Variants in ACTL6A observed in about 807,000 individuals in gnomAD.
The protein encoded by ACTL6A is actin-like protein 6A.
ACTL6A carries 5 observed loss-of-function variants against 59.2 expected under a neutral mutation model. The observed-to-expected ratio is 0.08, with a 90% CI of 0.04 to 0.18. ACTL6A has a LOEUF of 0.18. Among genes scored for constraint, ACTL6A ranks in the 10% least tolerant of loss-of-function variants. The pLI, the probability that ACTL6A is intolerant of heterozygous loss-of-function variation, is 1.00. For missense variants in ACTL6A, 285 were observed against 526.9 expected (o/e 0.54, Z 4.49); for synonymous variants, 154 against 171.8 (o/e 0.90, Z 0.81).
chr3:179,565,423 C>CAT (rs10575925), intron 1 of ACTL6A, among the ~76,000 whole-genome samples: 4 of 149,292 alleles, frequency 2.7e-5, no homozygotes, highest in South Asian at 2.1e-4. Flanking sequence ...CAAAAACAAA[C>CAT]ATATATATAT....
In ACTL6A at chr3:179,570,790, T is replaced by TC. The variant is rs1717981498; in HGVS notation, c.277+549_277+550insC. On this transcript the variant is annotated intron_variant, in intron 3 of 13. Coordinates refer to ENST00000429709, the MANE Select transcript of ACTL6A (RefSeq NM_004301.5). This position sits in a 1 kb window ranked among gnomAD's most constrained non-coding sequence, Gnocchi z 4.3. ...AGGCAGAGAGCAGTAGCAGGAAAGG[T>TC]AGGCAGGGAGCAGTCATAAAAGGGC... is the stretch of plus-strand genomic sequence containing the variant. Among the ~76,000 whole-genome samples, 1 of 152,152 alleles carries TC rather than the reference T, an allele frequency of 6.6e-6. No homozygotes were observed. The highest frequency in any genetic ancestry group is 1.5e-5 in the Non-Finnish European group (1 of 68,030).
chr3:179,571,926 C>A (rs567690003), intron 3 of ACTL6A, among the ~76,000 whole-genome samples: 12 of 152,314 alleles, frequency 7.9e-5, no homozygotes, highest in African/African-American at 2.9e-4. Context: ...TGTTTCCAGA[C>A]ACCAGCTAAG....
At chr3:179,572,729 C>T (rs1392916285) in intron 3 of ACTL6A, among the ~76,000 whole-genome samples, 2 of 152,036 alleles carry the variant, frequency 1.3e-5, no homozygotes, top group Non-Finnish European at 2.9e-5. Flanking sequence ...TGCTTGACCC[C>T]AGGAGGCGGA....
intron 1 of ACTL6A, 75 bp from the exon 2 acceptor site, chr3:179,569,749 G>A: frequency 7.9e-7 from 1 of 1,265,920 alleles, no homozygotes; most frequent in Non-Finnish European, 1.2e-6. Flanking sequence ...CTAGGAGGTT[G>A]AGGCTGCAGT....
rs564693646 is a variant in ACTL6A at position 179,572,060 on chromosome 3, AT to A, written c.278-1308del. On this transcript the variant is annotated intron_variant, in intron 3 of 13. Transcript: ENST00000429709. ...CCAGGTGATAATTCAGTAAACGGGAATAAAAGGTTATAAGAAAGATTTTAAG... is the reference window on the plus strand; with the variant it reads ...CCAGGTGATAATTCAGTAAACGGGAAAAAAGGTTATAAGAAAGATTTTAAG... Among the ~76,000 whole-genome samples the A allele has an allele frequency of 7.9e-4, 121 of 152,214 alleles. 2 individuals carry two copies. The highest frequency in any genetic ancestry group is 1.4e-3 in the Non-Finnish European group (98 of 68,034).
intron 1 of ACTL6A, among the ~76,000 whole-genome samples, chr3:179,569,055 T>C (rs1018004591): frequency 2.0e-5 from 3 of 152,216 alleles, no homozygotes; most frequent in South Asian, 4.1e-4. Context: ...TTAATAGATA[T>C]GACTAAATTG....
intron 8 of ACTL6A, among the ~76,000 whole-genome samples, chr3:179,580,382 T>C: frequency 6.6e-6 from 1 of 152,210 alleles, no homozygotes; most frequent in East Asian, 1.9e-4. Flanking sequence ...CAGGGGTTCC[T>C]GCACCTGCAG....
In ACTL6A at chr3:179,583,468, T is replaced by C; in HGVS notation, c.1122+20T>C. ...CCTCCAGTAAGTTCTGTTTGTTCTT[T>C]AATGGTATTCTTCAGTCATATATTT... On this transcript the variant is annotated intron_variant, in intron 12 of 13. Transcript: ENST00000429709. The C allele has an allele frequency of 1.9e-6, 3 of 1,573,158 alleles. No homozygotes were observed. Among genetic ancestry groups the C allele is most frequent in the South Asian group, 1.1e-5 (1 of 89,106 alleles).
intron 4 of ACTL6A, 88 bp downstream of exon 4, chr3:179,573,557 AC>A: frequency 1.1e-6 from 1 of 915,846 alleles, no homozygotes; most frequent in Non-Finnish European, 1.6e-6. Context: ...CATTTGATGA[AC>A]ATTTTTCTTT....
intron 3 of ACTL6A, chr3:179,573,160 G>A (rs976715273): frequency 5.0e-6 from 2 of 401,270 alleles, no homozygotes; most frequent in African/African-American, 2.1e-5. Flanking sequence ...GACAGGTCTG[G>A]GGGCTGGAGG....
intron 6 of ACTL6A, 42 bp downstream of exon 6, chr3:179,576,353 G>T: frequency 1.4e-6 from 2 of 1,401,652 alleles, no homozygotes; most frequent in Middle Eastern, 1.8e-4. Flanking sequence ...GATTTTAGAT[G>T]CCATGAGGAT....
Position 179,581,096 on chromosome 3 carries a change from G to T in ACTL6A, c.946-44G>T, listed in dbSNP as rs186919813. 3 of 1,602,994 alleles carry T rather than the reference G, an allele frequency of 1.9e-6. No homozygotes were observed. The African/African-American group carries it at 4.0e-5, about 21-fold the overall frequency. ...TAAAATGTTTTGGATATGCTTTACT[G>T]TATGAAGAGCTTCCATGTGACTACT... On this transcript the variant is annotated intron_variant, in intron 10 of 13. Coordinates refer to ENST00000429709, the MANE Select transcript of ACTL6A (RefSeq NM_004301.5).
At chr3:179,563,999 G>T (rs924158791) in intron 1 of ACTL6A, among the ~76,000 whole-genome samples, 5 of 152,130 alleles carry the variant, frequency 3.3e-5, no homozygotes, top group Non-Finnish European at 7.3e-5. Context: ...GCCGATGGGG[G>T]TGGGCATGAA....
In ACTL6A at chr3:179,567,108, A is replaced by G. The variant is rs562590952; in HGVS notation, c.26-2716A>G. On this transcript the variant is annotated intron_variant, in intron 1 of 13. Transcript: ENST00000429709. ...TCACCGGGCATGGTAGCTCACGTCTATAATCCTAGCACTTTGGGAGGGCAA... is the reference window on the plus strand; with the variant it reads ...TCACCGGGCATGGTAGCTCACGTCTGTAATCCTAGCACTTTGGGAGGGCAA... Among the ~76,000 whole-genome samples, 4 of 152,300 alleles carry G rather than the reference A, an allele frequency of 2.6e-5. No homozygotes were observed. In the South Asian group the frequency reaches 6.2e-4, roughly 24 times the overall value.
At chr3:179,573,255 G>A in intron 3 of ACTL6A, 114 bp from the exon 4 acceptor site, 1 of 618,014 alleles carries the variant, frequency 1.6e-6, no homozygotes, top group Non-Finnish European at 2.7e-6. Flanking sequence ...TGTAAAATCA[G>A]TAGGTTCTGT....
rs374526000 is a variant in ACTL6A, at chr3:179,573,395, A to G, written c.304A>G (p.Ile102Val). The G allele has an allele frequency of 2.5e-6, 4 of 1,591,720 alleles. No individual in the cohort carries two copies. The highest frequency in any genetic ancestry group is 3.4e-6 in the Non-Finnish European group (4 of 1,172,196). Reference sequence around the variant, plus strand: ...TGAAGACTGGGATAGTTTCCAAGCTATTTTGGATCATACCTACAAAATGCA... The same window carrying G: ...TGAAGACTGGGATAGTTTCCAAGCTGTTTTGGATCATACCTACAAAATGCA... The part of the protein sequence containing the change: ...MVEDWDSFQA[I>V]LDHTYKMHVK... The change falls in exon 4 of 14, where the codon ATT becomes GTT. Residue 102 changes from isoleucine to valine, a missense_variant. Transcript: ENST00000429709.
At chr3:179,569,471 C>T (rs1560009967) in intron 1 of ACTL6A, among the ~76,000 whole-genome samples, 2 of 152,108 alleles carry the variant, frequency 1.3e-5, no homozygotes, top group Non-Finnish European at 1.5e-5. Flanking sequence ...TACTTAAATA[C>T]GGTGTATGCC....
At chr3:179,571,671 C>T (rs944962125) in intron 3 of ACTL6A, among the ~76,000 whole-genome samples, 1 of 152,124 alleles carries the variant, frequency 6.6e-6, no homozygotes, top group African/African-American at 2.4e-5. Context: ...GTGCTTAATC[C>T]CTCCAGCAAC....
At chr3:179,569,991 A>T (rs191057585) in intron 2 of ACTL6A, 76 bp from the exon 3 acceptor site, 6 of 1,576,244 alleles carry the variant, frequency 3.8e-6, no homozygotes, top group Non-Finnish European at 5.2e-6. Context: ...AAAATATAAT[A>T]AAATACATTA....
Sources: allele counts gnomAD v4.1 joint callset (sites outside exome capture counted in the v4.1 genomes callset), GRCh38; gene constraint gnomAD v4.1.1; non-coding constraint Gnocchi (gnomAD v3.1); transcripts MANE v1.5; gene names NCBI Gene and HGNC (gene_info 2026-07-23, HGNC 2026-07-21).